Variants in EDIL3 observed in about 807,000 individuals in gnomAD.
EDIL3 encodes the protein EGF-like repeat and discoidin I-like domain-containing protein 3.
EDIL3 carries 37 observed loss-of-function variants against 67.4 expected under a neutral mutation model. That is an observed-to-expected ratio of 0.55 (90% CI 0.42 to 0.72). The LOEUF is 0.72. EDIL3 is among the 30% of genes least tolerant of loss of function. The probability of loss-of-function intolerance (pLI) is 0.00; values close to 1 mark genes in which losing one functional copy is unlikely to be tolerated. For synonymous variants in EDIL3, 195 were observed against 196.3 expected, an observed-to-expected ratio of 0.99 and a Z score of 0.05; for missense variants, 527 against 586.3, an observed-to-expected ratio of 0.90 and a Z score of 1.04.
chr5:84,025,458 C>T (rs1239265795), intron 9 of EDIL3, among the ~76,000 whole-genome samples: 1 of 152,130 alleles, frequency 6.6e-6, no homozygotes, highest in Non-Finnish European at 1.5e-5. Context: ...TCAGGGCTCC[C>T]ACTGACTCTA....
intron 4 of EDIL3, among the ~76,000 whole-genome samples, chr5:84,180,076 G>A (rs1469178335): frequency 6.6e-6 from 1 of 151,750 alleles, no homozygotes; most frequent in African/African-American, 2.4e-5. Flanking sequence ...CTTAAAGGAT[G>A]TGGCTTTAGG....
intron 4 of EDIL3, among the ~76,000 whole-genome samples, chr5:84,175,799 T>C (rs1748894269): frequency 6.6e-6 from 1 of 152,114 alleles, no homozygotes; most frequent in African/African-American, 2.4e-5. Context: ...TCCTCAAGTT[T>C]GGTGTACTGA....
intron 1 of EDIL3, among the ~76,000 whole-genome samples, chr5:84,287,901 C>T (rs1745841047): frequency 6.6e-6 from 1 of 151,984 alleles, no homozygotes; most frequent in Admixed American, 6.6e-5. Flanking sequence ...GTCCCTGGAC[C>T]TCTTGTCTTT....
intron 3 of EDIL3, among the ~76,000 whole-genome samples, chr5:84,205,844 T>G (rs551017367): frequency 1.4e-4 from 21 of 151,468 alleles, no homozygotes; most frequent in African/African-American, 4.8e-4. Flanking sequence ...TCAATTTTGT[T>G]GATCCTTTCA....
chr5:84,328,946 T>C (rs1030905172), intron 1 of EDIL3, among the ~76,000 whole-genome samples: 2 of 152,050 alleles, frequency 1.3e-5, no homozygotes, highest in African/African-American at 4.8e-5. Flanking sequence ...AGAACCACAG[T>C]TTTTTGCCAC....
At chr5:84,140,838 TA>T (rs1748175404) in intron 4 of EDIL3, among the ~76,000 whole-genome samples, 1 of 152,140 alleles carries the variant, frequency 6.6e-6, no homozygotes, top group Non-Finnish European at 1.5e-5. Context: ...TACCCAGTAA[TA>T]CACAAGCTTA....
chr5:84,092,079 A>G (rs1367901590), intron 6 of EDIL3, among the ~76,000 whole-genome samples: 1 of 152,178 alleles, frequency 6.6e-6, no homozygotes, highest in African/African-American at 2.4e-5. Context: ...ATAGGGATAC[A>G]GAGTCCAGGG....
intron 3 of EDIL3, among the ~76,000 whole-genome samples, chr5:84,195,772 T>A (rs941387308): frequency 6.6e-6 from 1 of 151,954 alleles, no homozygotes; most frequent in African/African-American, 2.4e-5. Flanking sequence ...ATGACCACAG[T>A]AGGAATTCTA....
intron 5 of EDIL3, among the ~76,000 whole-genome samples, chr5:84,107,931 G>T (rs1200024451): frequency 6.6e-6 from 1 of 150,704 alleles, no homozygotes; most frequent in Non-Finnish European, 1.5e-5. Context: ...TGCCAATTTA[G>T]ATTTGTATAA....
chr5:84,076,722 T>A (rs1236027897), intron 6 of EDIL3, among the ~76,000 whole-genome samples: 1 of 152,202 alleles, frequency 6.6e-6, no homozygotes, highest in African/African-American at 2.4e-5. Context: ...ATTTTATAAC[T>A]AGCAACAAAG....
chr5:84,321,195 GGA>G (rs1441430713), intron 1 of EDIL3, among the ~76,000 whole-genome samples: 6 of 151,992 alleles, frequency 3.9e-5, no homozygotes, highest in Admixed American at 3.9e-4. Context: ...AAATAATTTA[GGA>G]GTACCCCTGG....
Position 84,145,149 on chromosome 5 carries a change from T to C in EDIL3, c.356-7795A>G, listed in dbSNP as rs1169523035. Reference sequence around the variant, plus strand: ...AATTATAATACAATATGGTGAAATATGTGCTTTAGAGCATTATGTACAAAA... The same window carrying C: ...AATTATAATACAATATGGTGAAATACGTGCTTTAGAGCATTATGTACAAAA... On this transcript the variant is annotated intron_variant, in intron 4 of 10. Coordinates refer to ENST00000296591, the MANE Select transcript of EDIL3 (RefSeq NM_005711.5). Among the ~76,000 whole-genome samples the C allele has an allele frequency of 4.6e-5, 7 of 152,158 alleles. No homozygotes were observed. In the East Asian group the frequency reaches 7.7e-4, roughly 17 times the overall value.
intron 1 of EDIL3, among the ~76,000 whole-genome samples, chr5:84,307,279 T>C (rs1424079767): frequency 6.9e-6 from 1 of 145,324 alleles, no homozygotes; most frequent in African/African-American, 2.4e-5. Context: ...GGGAAGATGT[T>C]CTAGGCAAAG....
In EDIL3 at chr5:84,206,167, G is replaced by T. The variant is rs1163496058; in HGVS notation, c.226+23688C>A. 1.0e-3 allele frequency among the ~76,000 whole-genome samples: 159 copies of T among 151,916 alleles called. 2 individuals are homozygous for T. Among genetic ancestry groups the T allele is most frequent in the Middle Eastern group, 3.4e-3 (1 of 294 alleles). On this transcript the variant is annotated intron_variant, in intron 3 of 10. Transcript: ENST00000296591. ...CTTTATTTCTGCCTTCATTTCGTTAGGTACCCAGTAGTCATTCAGGAGCAG... is the reference window on the plus strand; with the variant it reads ...CTTTATTTCTGCCTTCATTTCGTTATGTACCCAGTAGTCATTCAGGAGCAG...
chr5:84,233,763 G>A (rs1398668547), intron 2 of EDIL3, among the ~76,000 whole-genome samples: 3 of 152,108 alleles, frequency 2.0e-5, no homozygotes, highest in Non-Finnish European at 2.9e-5. Flanking sequence ...ACTCTTCTCA[G>A]AAAGTGTCTG....
chr5:84,201,854 G>A (rs914241167), intron 3 of EDIL3, among the ~76,000 whole-genome samples: 15 of 152,060 alleles, frequency 9.9e-5, no homozygotes, highest in African/African-American at 3.6e-4. Flanking sequence ...TCTATTCAAT[G>A]CAAAAAGAGA....
At chr5:83,973,861 A>G (rs1744831385) in intron 9 of EDIL3, among the ~76,000 whole-genome samples, 1 of 152,012 alleles carries the variant, frequency 6.6e-6, no homozygotes, top group South Asian at 2.1e-4. Context: ...AAAAACCACA[A>G]TTACTTTTGG....
chr5:84,252,645 G>T (rs555320601), intron 2 of EDIL3, among the ~76,000 whole-genome samples: 2 of 152,002 alleles, frequency 1.3e-5, no homozygotes, highest in African/African-American at 4.8e-5. Flanking sequence ...TGCCAATTTG[G>T]GGTTGTTGGG....
intron 1 of EDIL3, among the ~76,000 whole-genome samples, chr5:84,254,818 A>G (rs1359121487): frequency 2.0e-5 from 3 of 152,242 alleles, no homozygotes; most frequent in Non-Finnish European, 4.4e-5. Context: ...AGAAACTGCT[A>G]CAGAGAAATA....
Sources: gnomAD v4.1 joint callset for allele counts (sites outside exome capture counted in the v4.1 genomes callset) on GRCh38, gnomAD v4.1.1 for gene constraint, MANE v1.5 for transcripts, NCBI Gene and HGNC (gene_info 2026-07-23, HGNC 2026-07-21) for gene names.